CAST: variants seen among roughly 807,000 people sequenced by gnomAD.
The protein encoded by CAST is MIR583 host.
A neutral mutation model predicts 119.6 loss-of-function variants in CAST; 76 were observed. The ratio of observed to expected loss-of-function variants is 0.64; its 90% confidence interval spans 0.53 to 0.77. CAST has a LOEUF of 0.77. CAST is among the 30% of genes least tolerant of loss of function. The pLI is 0.00. For missense variants in CAST, 953 were observed against 946.5 expected (o/e 1.01, Z -0.09); for synonymous variants, 319 against 331.6 (o/e 0.96, Z 0.41).
the CAST span, among the ~76,000 whole-genome samples, chr5:96,292,955 A>G: frequency 6.6e-6 from 1 of 152,244 alleles, no homozygotes; most frequent in East Asian, 1.9e-4. Context: ...CCCGACTGAT[A>G]TAGTTCTCCA....
chr5:96,494,209 G>A, the CAST span, among the ~76,000 whole-genome samples: 2 of 152,164 alleles, frequency 1.3e-5, no homozygotes, highest in Non-Finnish European at 2.9e-5. Flanking sequence ...CAGAGGCGAT[G>A]AACTACCTTG....
intron 1 of CAST, among the ~76,000 whole-genome samples, chr5:96,557,306 G>A (rs1300980297): frequency 4.0e-5 from 6 of 151,828 alleles, no homozygotes; most frequent in Non-Finnish European, 7.4e-5. Flanking sequence ...ATCAACTAAC[G>A]AGCAAAATAA....
the CAST span, among the ~76,000 whole-genome samples, chr5:96,159,967 TAA>T: frequency 0.33 from 47,037 of 142,192 alleles, 7,661 homozygotes; most frequent in Middle Eastern, 0.38. Context: ...CTGTCTCTAC[TAA>T]AAAAAAAAAA....
chr5:96,311,625 T>C, the CAST span, among the ~76,000 whole-genome samples: 1 of 152,090 alleles, frequency 6.6e-6, no homozygotes, highest in African/African-American at 2.4e-5. Flanking sequence ...TTAATCTTCT[T>C]GATGAAATCA....
At chr5:96,428,543 C>T in the CAST span, among the ~76,000 whole-genome samples, 1 of 152,134 alleles carries the variant, frequency 6.6e-6, no homozygotes, top group East Asian at 1.9e-4. Context: ...CTGCCTCTAC[C>T]TTATTTACCT....
chr5:96,750,449 A>G, intron 19 of CAST, 138 bp from the exon 20 acceptor site: 2 of 480,438 alleles, frequency 4.2e-6, no homozygotes, highest in East Asian at 3.7e-5. Context: ...CTTATTTACT[A>G]TTTAGCAATC....
the CAST span, among the ~76,000 whole-genome samples, chr5:96,314,461 G>C: frequency 5.3e-5 from 8 of 152,220 alleles, no homozygotes; most frequent in Admixed American, 6.5e-5. Context: ...AGGTGAAGCT[G>C]AGCAAATGGG....
chr5:96,730,568 C>T (rs912397140), intron 8 of CAST, among the ~76,000 whole-genome samples: 2 of 152,160 alleles, frequency 1.3e-5, no homozygotes, highest in African/African-American at 4.8e-5. Flanking sequence ...GATTGACCTA[C>T]GCAAGTTACC....
chr5:96,482,293 G>A, the CAST span, among the ~76,000 whole-genome samples: 1 of 151,792 alleles, frequency 6.6e-6, no homozygotes, highest in Non-Finnish European at 1.5e-5. Flanking sequence ...GTTAGTACAT[G>A]GTTAGTTGCC....
At chr5:96,204,779 A>G in the CAST span, among the ~76,000 whole-genome samples, 46 of 151,840 alleles carry the variant, frequency 3.0e-4, no homozygotes, top group East Asian at 3.9e-3. Flanking sequence ...TTCTCCTAGG[A>G]TTGACAGTGG....
chr5:96,219,813 G>A, the CAST span, among the ~76,000 whole-genome samples: 7 of 152,156 alleles, frequency 4.6e-5, no homozygotes, highest in African/African-American at 1.2e-4. Flanking sequence ...AAAGAAAAAA[G>A]AAAAGGAAAA....
the CAST span, chr5:96,392,040 AAAAC>A: frequency 1.3e-5 from 2 of 152,200 alleles, no homozygotes; most frequent in Non-Finnish European, 2.9e-5. Context: ...GAAAAAAACA[AAAAC>A]AAAACTTCTC....
chr5:96,004,992 T>C, the CAST span, among the ~76,000 whole-genome samples: 8 of 152,182 alleles, frequency 5.3e-5, no homozygotes, highest in Non-Finnish European at 7.4e-5. Flanking sequence ...AACAGAAATA[T>C]TGGCAATAGA....
At chr5:96,398,754 GT>G in the CAST span, 1 of 833,792 alleles carries the variant, frequency 1.2e-6, no homozygotes, top group Non-Finnish European at 2.0e-6. Context: ...AAATAAGCAT[GT>G]TTTTTAAGAC....
chr5:96,069,632 G>C, the CAST span, among the ~76,000 whole-genome samples: 1 of 148,776 alleles, frequency 6.7e-6, no homozygotes, highest in Non-Finnish European at 1.5e-5. Flanking sequence ...ACAGGTGTGT[G>C]CCACTACATC....
chr5:96,260,402 CTTT>C, the CAST span, among the ~76,000 whole-genome samples: 15 of 152,184 alleles, frequency 9.9e-5, no homozygotes, highest in Admixed American at 9.2e-4. Context: ...ATTTCAACAT[CTTT>C]GTCTGTTTTC....
At chr5:96,642,131 G>A (rs1369185885) in intron 1 of CAST, among the ~76,000 whole-genome samples, 1 of 152,122 alleles carries the variant, frequency 6.6e-6, no homozygotes, top group Non-Finnish European at 1.5e-5. Flanking sequence ...CCAACCAGAT[G>A]TTATCTTACC....
the CAST span, among the ~76,000 whole-genome samples, chr5:96,499,938 C>T: frequency 6.6e-6 from 1 of 152,050 alleles, no homozygotes; most frequent in Admixed American, 6.5e-5. Flanking sequence ...TAGAGGTCAT[C>T]GTTGGGATAT....
the CAST span, among the ~76,000 whole-genome samples, chr5:96,245,023 G>T: frequency 1.3e-5 from 2 of 152,108 alleles, no homozygotes; most frequent in Non-Finnish European, 2.9e-5. Context: ...TTTAGTAGAG[G>T]TAATCCACTC....
Sources: allele counts gnomAD v4.1 joint callset (sites outside exome capture counted in the v4.1 genomes callset), GRCh38; gene constraint gnomAD v4.1.1; transcripts MANE v1.5; gene names NCBI Gene and HGNC (gene_info 2026-07-23, HGNC 2026-07-21).